NRXN3: variants seen among roughly 807,000 people sequenced by gnomAD.
The protein encoded by NRXN3 is neurexin III.
Under a neutral mutation model 137.6 loss-of-function variants are expected in NRXN3, and 32 were observed. The observed-to-expected ratio is 0.23, with a 90% CI of 0.18 to 0.31. The LOEUF is 0.31. Among genes scored for constraint, NRXN3 ranks in the 10% least tolerant of loss-of-function variants. The pLI is 1.00. For synonymous variants in NRXN3, 798 were observed against 784.5 expected, an observed-to-expected ratio of 1.02 and a Z score of -0.29; for missense variants, 1,574 against 2,062.5, an observed-to-expected ratio of 0.76 and a Z score of 4.59.
At chr14:79,072,228 C>A (rs191557572) in intron 15 of NRXN3, 1 of 152,092 alleles carries the variant, frequency 6.6e-6, no homozygotes, top group African/African-American at 2.4e-5. Context: ...TGTATGAAAC[C>A]GGTAAATATT....
chr14:79,849,633 G>A (rs911069039), intron 20 of NRXN3, among the ~76,000 whole-genome samples: 2 of 152,154 alleles, frequency 1.3e-5, no homozygotes, highest in South Asian at 2.1e-4. Context: ...GTGGAGAAAA[G>A]GGAACCGTTG....
intron 10 of NRXN3, among the ~76,000 whole-genome samples, chr14:78,840,173 A>G (rs1486971274): frequency 6.6e-6 from 1 of 152,174 alleles, no homozygotes. Context: ...ACATAAAGAG[A>G]TTATCATGAA....
At chr14:78,252,902 A>G (rs891539033) in intron 2 of NRXN3, among the ~76,000 whole-genome samples, 4 of 152,254 alleles carry the variant, frequency 2.6e-5, no homozygotes, top group Admixed American at 6.5e-5. Context: ...TTTGTGATCC[A>G]CATCATGGGG....
At chr14:79,150,149 A>C (rs1225566008) in intron 15 of NRXN3, among the ~76,000 whole-genome samples, 1 of 152,084 alleles carries the variant, frequency 6.6e-6, no homozygotes. Flanking sequence ...GACTATCCAC[A>C]TCACAAATTA....
intron 4 of NRXN3, among the ~76,000 whole-genome samples, chr14:78,576,301 C>T (rs2096935211): frequency 6.6e-6 from 1 of 152,168 alleles, no homozygotes; most frequent in South Asian, 2.1e-4. Context: ...TTATCCATCT[C>T]AGTTCTTCCT....
chr14:79,508,316 C>T lies in NRXN3; in HGVS notation c.3444+40914C>T, dbSNP rs920753368. On this transcript the variant is annotated intron_variant, in intron 16 of 20. Coordinates refer to ENST00000335750, the MANE Select transcript of NRXN3 (RefSeq NM_001330195.2). ...TATACTTTTCGGCTTCCAGTGATTT[C>T]CAGTGACTACAGCCCTAAGGCCATT... Among the ~76,000 whole-genome samples the T allele has an allele frequency of 4.0e-5, 6 of 149,986 alleles. No individual in the cohort carries two copies. The Admixed American group carries it at 4.0e-4, about 10-fold the overall frequency.
At position 79,753,380 on chromosome 14, in the gene NRXN3, C is replaced by T. The variant is rs942099678; in HGVS notation, c.4015-51732C>T. ...TGTGGCACATATATACCATGGAATACTATGCAGCCATAAAAAATGATGAGT... is the reference window on the plus strand; with the variant it reads ...TGTGGCACATATATACCATGGAATATTATGCAGCCATAAAAAATGATGAGT... On this transcript the variant is annotated intron_variant, in intron 19 of 20. Transcript: ENST00000335750. Among the ~76,000 whole-genome samples the T allele has an allele frequency of 2.0e-5, 3 of 152,010 alleles. No homozygotes were observed. The South Asian group carries it at 6.2e-4, about 32-fold the overall frequency.
At chr14:79,419,641 G>GA in intron 15 of NRXN3, among the ~76,000 whole-genome samples, 1 of 152,062 alleles carries the variant, frequency 6.6e-6, no homozygotes. Context: ...AGAGAAGGAT[G>GA]AAAGAGAGAG....
chr14:78,324,261 A>G (rs1567262315), intron 4 of NRXN3, among the ~76,000 whole-genome samples: 1 of 152,070 alleles, frequency 6.6e-6, no homozygotes, highest in Non-Finnish European at 1.5e-5. Flanking sequence ...AGGACTGTGC[A>G]CACTGCAAAG....
At chr14:78,352,796 G>T (rs1298126090) in intron 4 of NRXN3, among the ~76,000 whole-genome samples, 2 of 152,212 alleles carry the variant, frequency 1.3e-5, no homozygotes, top group Non-Finnish European at 2.9e-5. Flanking sequence ...GCTATCAGCT[G>T]GGCAGGCCCT....
intron 4 of NRXN3, among the ~76,000 whole-genome samples, chr14:78,459,106 A>T (rs897393058): frequency 3.3e-5 from 5 of 152,200 alleles, no homozygotes; most frequent in Admixed American, 6.5e-5. Context: ...GTGGACTTAC[A>T]TAGCTAACAT....
At chr14:79,852,456 T>C (rs1449223967) in intron 20 of NRXN3, among the ~76,000 whole-genome samples, 1 of 152,120 alleles carries the variant, frequency 6.6e-6, no homozygotes, top group Non-Finnish European at 1.5e-5. Context: ...TGCAACTTAC[T>C]TTAAGCATGT....
intron 4 of NRXN3, among the ~76,000 whole-genome samples, chr14:78,622,873 T>C (rs2097420047): frequency 6.6e-6 from 1 of 152,248 alleles, no homozygotes. Flanking sequence ...TATTAAGCTC[T>C]TTTGAAGTAA....
chr14:79,175,637 G>T (rs2062254387), intron 15 of NRXN3, among the ~76,000 whole-genome samples: 1 of 152,180 alleles, frequency 6.6e-6, no homozygotes, highest in South Asian at 2.1e-4. Context: ...ACTTCATAGT[G>T]TATCACACTG....
chr14:78,524,194 G>GT (rs555939441), intron 4 of NRXN3, among the ~76,000 whole-genome samples: 124 of 151,472 alleles, frequency 8.2e-4, no homozygotes, highest in Admixed American at 1.8e-3. Flanking sequence ...CTTAGTGTAT[G>GT]TTTTTTTTTG....
intron 4 of NRXN3, among the ~76,000 whole-genome samples, chr14:78,430,547 A>G (rs925151655): frequency 6.6e-6 from 1 of 152,204 alleles, no homozygotes; most frequent in African/African-American, 2.4e-5. Context: ...TCTTGTTCAG[A>G]CACCACATTC....
chr14:78,766,108 G>A (rs966492518), intron 8 of NRXN3, among the ~76,000 whole-genome samples: 2 of 152,122 alleles, frequency 1.3e-5, no homozygotes, highest in Non-Finnish European at 2.9e-5. Flanking sequence ...GTTTTTAGAA[G>A]TTCTTCCCCA....
intron 15 of NRXN3, among the ~76,000 whole-genome samples, chr14:79,260,364 G>T (rs1407729916): frequency 6.6e-6 from 1 of 152,086 alleles, no homozygotes; most frequent in African/African-American, 2.4e-5. Context: ...TGGGAAGTAT[G>T]ATCTGTCCTT....
In NRXN3 at chr14:78,805,470, A is replaced by C. The variant is rs1000765486; in HGVS notation, c.2248+1647A>C. Among the ~76,000 whole-genome samples, 22 of 152,084 alleles carry C rather than the reference A, an allele frequency of 1.4e-4. 1 individual carries two copies. The highest frequency in any genetic ancestry group is 1.3e-4 in the Admixed American group (2 of 15,278). On this transcript the variant is annotated intron_variant, in intron 9 of 20. Coordinates refer to ENST00000335750, the MANE Select transcript of NRXN3 (RefSeq NM_001330195.2). The stretch of plus-strand genomic sequence containing the variant: ...GAACACAGCGTATTGAGCAGCCTAC[A>C]GAGACTGGCATACCCCTGACCCTAC...
Sources: gnomAD v4.1 joint callset for allele counts (sites outside exome capture counted in the v4.1 genomes callset) on GRCh38, gnomAD v4.1.1 for gene constraint, MANE v1.5 for transcripts, NCBI Gene and HGNC (gene_info 2026-07-23, HGNC 2026-07-21) for gene names.